Variants in CSGALNACT1 observed in about 807,000 individuals in gnomAD.
CSGALNACT1 encodes the protein beta4GalNAcT-1.
Under a neutral mutation model 51.0 loss-of-function variants are expected in CSGALNACT1, and 52 were observed. The ratio of observed to expected loss-of-function variants is 1.02; its 90% confidence interval spans 0.82 to 1.29. CSGALNACT1 has a LOEUF of 1.29. Ranked by LOEUF, CSGALNACT1 falls within the 50% of genes most tolerant of loss-of-function variation. The probability of loss-of-function intolerance (pLI) is 0.00; values close to 1 mark genes in which losing one functional copy is unlikely to be tolerated. For missense variants in CSGALNACT1, 935 were observed against 679.2 expected (o/e 1.38, Z -4.19); for synonymous variants, 341 against 254.4 (o/e 1.34, Z -3.24).
chr8:19,442,146 T>C (rs1274788766), intron 5 of CSGALNACT1, among the ~76,000 whole-genome samples: 2 of 152,206 alleles, frequency 1.3e-5, no homozygotes, highest in African/African-American at 2.4e-5. Flanking sequence ...TCAACCATTG[T>C]GGAAGTCAGT....
chr8:19,642,833 C>T (rs1231985252), intron 1 of CSGALNACT1, among the ~76,000 whole-genome samples: 2 of 150,366 alleles, frequency 1.3e-5, no homozygotes, highest in Non-Finnish European at 3.0e-5. Flanking sequence ...AAGGCTTATT[C>T]AACAACAACA....
chr8:19,484,632 CA>C (rs2072400331), intron 4 of CSGALNACT1, among the ~76,000 whole-genome samples: 1 of 152,130 alleles, frequency 6.6e-6, no homozygotes, highest in African/African-American at 2.4e-5. Context: ...GCAATTCCTC[CA>C]GATTCCCAGA....
intron 6 of CSGALNACT1, among the ~76,000 whole-genome samples, chr8:19,421,176 T>G (rs534803101): frequency 2.0e-5 from 3 of 152,222 alleles, no homozygotes; most frequent in Non-Finnish European, 4.4e-5. Context: ...ATCTGCTAAA[T>G]AGGTGTAGTA....
Position 19,521,357 on chromosome 8 carries a change from A to T in CSGALNACT1, c.-296-15227T>A, listed in dbSNP as rs74536824. ...TAAAGACAGAGGAAGTACACCAATT[A>T]CATGAGGAGAAAAAAAAGCTATCCA... On this transcript the variant is annotated intron_variant, in intron 3 of 9. Transcript: ENST00000454498. Among the ~76,000 whole-genome samples, 51 of 152,328 alleles carry T rather than the reference A, an allele frequency of 3.3e-4. No homozygotes were observed. In the East Asian group the frequency reaches 7.9e-3, roughly 24 times the overall value.
At chr8:19,521,311 C>T (rs1477214744) in intron 3 of CSGALNACT1, among the ~76,000 whole-genome samples, 1 of 152,108 alleles carries the variant, frequency 6.6e-6, no homozygotes, top group East Asian at 1.9e-4. Flanking sequence ...CCAGGGAAGA[C>T]TTAAACCCAG....
chr8:19,693,430 T>C (rs1485247695), intron 1 of CSGALNACT1, among the ~76,000 whole-genome samples: 3 of 152,040 alleles, frequency 2.0e-5, no homozygotes, highest in African/African-American at 7.2e-5. Context: ...TCTGGGTGAG[T>C]TTATCACCCC....
At chr8:19,443,493 G>C (rs2061646178) in intron 5 of CSGALNACT1, among the ~76,000 whole-genome samples, 1 of 152,132 alleles carries the variant, frequency 6.6e-6, no homozygotes, top group Non-Finnish European at 1.5e-5. Flanking sequence ...ACATGGATGG[G>C]GAGGTCTCAC....
At chr8:19,439,963 C>T in intron 5 of CSGALNACT1, 32 bp from the exon 5 acceptor site, 3 of 1,557,114 alleles carry the variant, frequency 1.9e-6, no homozygotes, top group Non-Finnish European at 2.7e-6. Context: ...TGTCTGGCAC[C>T]TGTTTTCACA....
chr8:19,467,672 G>C (rs907948391), intron 4 of CSGALNACT1, among the ~76,000 whole-genome samples: 3 of 152,102 alleles, frequency 2.0e-5, no homozygotes, highest in Admixed American at 1.3e-4. Flanking sequence ...ATTAATGATG[G>C]ATTGTATTCT....
rs566294781 is a variant in CSGALNACT1 at position 19,701,765 on chromosome 8, C to T, written c.-297+56085G>A. Among the ~76,000 whole-genome samples, 4 of 152,050 alleles carry T rather than the reference C, an allele frequency of 2.6e-5. No homozygotes were observed. The East Asian group carries it at 5.8e-4, about 22-fold the overall frequency. ...AGCCCAGAAAGTTTAAGTAATTTAC[C>T]CAAGATCTTGTGGCTAATAAGTGGT... On this transcript the variant is annotated intron_variant, in intron 1 of 1. Coordinates refer to the CSGALNACT1 transcript ENST00000517494.
At chr8:19,546,950 C>A (rs779090966) in intron 3 of CSGALNACT1, among the ~76,000 whole-genome samples, 4 of 152,226 alleles carry the variant, frequency 2.6e-5, no homozygotes, top group African/African-American at 9.6e-5. Flanking sequence ...GCAGAGGGAG[C>A]TGAGAGTAGC....
At chr8:19,653,940 C>G (rs1296181521) in intron 1 of CSGALNACT1, among the ~76,000 whole-genome samples, 3 of 152,116 alleles carry the variant, frequency 2.0e-5, no homozygotes, top group African/African-American at 7.2e-5. Flanking sequence ...TCTGACATGC[C>G]TCCATTCCCC....
chr8:19,516,303 G>A (rs1335990852), intron 3 of CSGALNACT1, among the ~76,000 whole-genome samples: 1 of 152,092 alleles, frequency 6.6e-6, no homozygotes, highest in African/African-American at 2.4e-5. Flanking sequence ...TGTTCAGCTG[G>A]CAAGTAGCAG....
At chr8:19,676,436 A>T (rs1564405737) in intron 1 of CSGALNACT1, among the ~76,000 whole-genome samples, 1 of 152,240 alleles carries the variant, frequency 6.6e-6, no homozygotes. Context: ...GAAATCCAAA[A>T]TTCACGGAAT....
At chr8:19,542,356 A>T (rs1445464078) in intron 3 of CSGALNACT1, among the ~76,000 whole-genome samples, 1 of 152,170 alleles carries the variant, frequency 6.6e-6, no homozygotes, top group African/African-American at 2.4e-5. Context: ...ATAAGAAGGG[A>T]AGAATGTTTA....
intron 3 of CSGALNACT1, among the ~76,000 whole-genome samples, chr8:19,506,752 C>T (rs1356279299): frequency 1.3e-5 from 2 of 152,190 alleles, no homozygotes; most frequent in African/African-American, 4.8e-5. Context: ...CTCCCTCCTG[C>T]TCCCACCATA....
At chr8:19,689,905 G>A (rs2061194832) in intron 1 of CSGALNACT1, among the ~76,000 whole-genome samples, 3 of 152,156 alleles carry the variant, frequency 2.0e-5, no homozygotes, top group Non-Finnish European at 2.9e-5. Context: ...CTGTTTTCTT[G>A]TTCCTGCTCA....
At chr8:19,658,746 A>G (rs1486295004) in intron 1 of CSGALNACT1, among the ~76,000 whole-genome samples, 2 of 151,988 alleles carry the variant, frequency 1.3e-5, no homozygotes, top group Non-Finnish European at 2.9e-5. Flanking sequence ...AACAACAACA[A>G]CAACAAAAAA....
At chr8:19,676,083 T>TAAAAAAAAAAAA (rs1564404826) in intron 1 of CSGALNACT1, among the ~76,000 whole-genome samples, 15 of 59,158 alleles carry the variant, frequency 2.5e-4, no homozygotes, top group South Asian at 1.3e-3. Flanking sequence ...GTTGTCTGAT[T>TAAAAAAAAAAAA]TAAAAAACAA....
Sources: allele counts gnomAD v4.1 joint callset (sites outside exome capture counted in the v4.1 genomes callset), GRCh38; gene constraint gnomAD v4.1.1; transcripts MANE v1.5; gene names NCBI Gene and HGNC (gene_info 2026-07-23, HGNC 2026-07-21).